Variants in SLCO1B3 observed in about 807,000 individuals in gnomAD.
SLCO1B3 encodes solute carrier organic anion transporter family member 1B3, also known as liver-specific organic anion transporter 2.
A neutral mutation model predicts 71.8 loss-of-function variants in SLCO1B3; 72 were observed. The ratio of observed to expected loss-of-function variants is 1.00; its 90% CI spans 0.83 to 1.22. The LOEUF is 1.22. Ranked by LOEUF, SLCO1B3 falls within the 50% of genes most tolerant of loss-of-function variation. The pLI, the probability that SLCO1B3 is intolerant of heterozygous loss-of-function variation, is 0.00. For synonymous variants in SLCO1B3, 298 were observed against 278.4 expected, an observed-to-expected ratio of 1.07 and a Z score of -0.70; for missense variants, 911 against 819.7, an observed-to-expected ratio of 1.11 and a Z score of -1.36.
intron 1 of SLCO1B3, among the ~76,000 whole-genome samples, 187 bp from the exon 2 acceptor site, chr12:20,813,337 A>G (rs1277409752): frequency 6.6e-6 from 1 of 152,218 alleles, no homozygotes; most frequent in Non-Finnish European, 1.5e-5. Context: ...AAACACTAAA[A>G]TTTGTTTGTG....
intron 15 of SLCO1B3, among the ~76,000 whole-genome samples, chr12:20,913,096 A>G (rs1489375947): frequency 6.6e-6 from 1 of 152,138 alleles, no homozygotes; most frequent in African/African-American, 2.4e-5. Flanking sequence ...TACATCTGTT[A>G]TACTGTTGGT....
chr12:20,837,142 G>T (rs906798156), intron 3 of SLCO1B3, among the ~76,000 whole-genome samples: 1 of 151,854 alleles, frequency 6.6e-6, no homozygotes, highest in Admixed American at 6.6e-5. Context: ...AATGTCTGTG[G>T]GATTTGTAGT....
Position 20,862,373 on chromosome 12 carries a change from A to C in SLCO1B3, c.482-39A>C, listed in dbSNP as rs777735258. Reference sequence around the variant, plus strand: ...GTTAAATTTCTAATAGGAATGTTAAAATTAATGTTTAAAGTAAAACACTCT... The same window carrying C: ...GTTAAATTTCTAATAGGAATGTTAACATTAATGTTTAAAGTAAAACACTCT... On this transcript the variant is annotated intron_variant, in intron 6 of 15. Transcript: ENST00000381545. The C allele has an allele frequency of 1.2e-4, 183 of 1,553,714 alleles. 1 individual carries two copies. Among genetic ancestry groups the C allele is most frequent in the Middle Eastern group, 2.2e-4 (1 of 4,626 alleles).
At position 20,821,965 on chromosome 12, in the gene SLCO1B3, T is replaced by C. The variant is rs532126493; in HGVS notation, c.84+6143T>C. On this transcript the variant is annotated intron_variant, in intron 3 of 15. Transcript: ENST00000381545. ...AGAAGGGAGAGATTGAAGTGTGGTG[T>C]CAAGATTGAAAGGAGAAAGAGGTTG... is the stretch of plus-strand genomic sequence containing the variant. Among the ~76,000 whole-genome samples, 162 of 150,626 alleles carry C rather than the reference T, an allele frequency of 1.1e-3. 4 individuals carry two copies. In the South Asian group the frequency reaches 0.033, roughly 30 times the overall value.
chr12:20,900,901 TG>T (rs1287410003), intron 14 of SLCO1B3, among the ~76,000 whole-genome samples: 1 of 152,218 alleles, frequency 6.6e-6, no homozygotes, highest in Non-Finnish European at 1.5e-5. Context: ...TAAAATCTCC[TG>T]CCTTTACAGC....
chr12:20,880,820 T>G, intron 11 of SLCO1B3, 35 bp from the exon 12 acceptor site: 2 of 1,461,378 alleles, frequency 1.4e-6, no homozygotes, highest in Non-Finnish European at 9.4e-7. Flanking sequence ...TTCCTCTTTC[T>G]CTTTTTTTGA....
At chr12:20,830,689 C>T (rs964289299) in intron 3 of SLCO1B3, among the ~76,000 whole-genome samples, 1 of 152,152 alleles carries the variant, frequency 6.6e-6, no homozygotes, top group African/African-American at 2.4e-5. Flanking sequence ...ACAGAATTCA[C>T]TTGCAATAAT....
At chr12:20,815,581 G>T (rs151186495) in intron 2 of SLCO1B3, 93 bp from the exon 3 acceptor site, 190 of 543,644 alleles carry the variant, frequency 3.5e-4, no homozygotes, top group African/African-American at 3.4e-3. Context: ...ATTAGAGAAT[G>T]ATTGATTGAT....
intron 14 of SLCO1B3, among the ~76,000 whole-genome samples, chr12:20,899,005 A>G (rs1866075264): frequency 6.6e-6 from 1 of 152,166 alleles, no homozygotes; most frequent in Admixed American, 6.6e-5. Context: ...CATTAGCAGG[A>G]GTTAATGCAA....
Position 20,894,315 on chromosome 12 carries a change from C to T in SLCO1B3, c.1683-4121C>T, listed in dbSNP as rs1301409041. 3.9e-5 allele frequency among the ~76,000 whole-genome samples: 6 copies of T among 152,102 alleles called. No homozygotes were observed. The East Asian group carries it at 9.6e-4, about 24-fold the overall frequency. On this transcript the variant is annotated intron_variant, in intron 13 of 15. Transcript: ENST00000381545. ...TAACCATGCACGAGCGTGTGCACAT[C>T]AGTGAGGATGTGAGTATGAGCAGGC...
At chr12:20,850,261 TTTA>T (rs1462292886) in intron 3 of SLCO1B3, among the ~76,000 whole-genome samples, 3 of 119,620 alleles carry the variant, frequency 2.5e-5, no homozygotes, top group Non-Finnish European at 4.9e-5. Context: ...TATTATTTTA[TTTA>T]TTTATTTATT....
intron 9 of SLCO1B3, among the ~76,000 whole-genome samples, chr12:20,875,842 T>C (rs748971284): frequency 4.6e-5 from 7 of 152,036 alleles, no homozygotes; most frequent in Non-Finnish European, 1.0e-4. Context: ...CCAGCCATCA[T>C]ACTATTCTCT....
chr12:20,815,864 GA>G (rs1565575114), intron 3 of SLCO1B3, 42 bp downstream of exon 3: 1 of 1,347,458 alleles, frequency 7.4e-7, no homozygotes. Flanking sequence ...TAAGTTAATG[GA>G]AAATTTTTAT....
In SLCO1B3 at chr12:20,862,402, G is replaced by T. The variant is rs759795528; in HGVS notation, c.482-10G>T. On this transcript the variant is annotated splice_polypyrimidine_tract_variant and intron_variant, in intron 6 of 15. Transcript: ENST00000381545. ...AATGTTTAAAGTAAAACACTCTCTT[G>T]TCTCGATAGATTGTGTAAAGGAATC... The T allele has an allele frequency of 1.4e-5, 22 of 1,603,494 alleles. No individual in the cohort carries two copies. The highest frequency in any genetic ancestry group is 1.7e-5 in the Non-Finnish European group (20 of 1,176,366).
intron 3 of SLCO1B3, among the ~76,000 whole-genome samples, chr12:20,851,722 C>T (rs538016806): frequency 6.6e-6 from 1 of 152,150 alleles, no homozygotes; most frequent in Non-Finnish European, 1.5e-5. Flanking sequence ...GTGTCATACT[C>T]AAGAAATTAT....
intron 3 of SLCO1B3, among the ~76,000 whole-genome samples, chr12:20,841,884 GTTT>G (rs57925057): frequency 0.54 from 70,683 of 131,916 alleles, 19,567 homozygotes; most frequent in South Asian, 0.74. Flanking sequence ...GTTGGATGTA[GTTT>G]TTTTTTTTTT....
Position 20,836,635 on chromosome 12 carries a change from G to A in SLCO1B3, c.85-18393G>A, listed in dbSNP as rs367576984. On this transcript the variant is annotated intron_variant, in intron 3 of 15. Coordinates refer to ENST00000381545, the MANE Select transcript of SLCO1B3 (RefSeq NM_019844.4). ...AAACTATCTGGGCCTCATTCTTTCTGTTTTTTGTTTTGTTTTGTTTTTTTG... is the reference window on the plus strand; with the variant it reads ...AAACTATCTGGGCCTCATTCTTTCTATTTTTTGTTTTGTTTTGTTTTTTTG... Among the ~76,000 whole-genome samples, 54 of 151,958 alleles carry A rather than the reference G, an allele frequency of 3.6e-4. 1 individual carries two copies. The South Asian group carries it at 0.011, about 30-fold the overall frequency.
chr12:20,914,994 G>GC (rs1303404798), intron 15 of SLCO1B3, among the ~76,000 whole-genome samples: 3 of 151,634 alleles, frequency 2.0e-5, no homozygotes, highest in African/African-American at 7.3e-5. Context: ...AGTTTTTCTG[G>GC]CCTTTATCCT....
At position 20,913,662 on chromosome 12, in the gene SLCO1B3, C is replaced by T. The variant is rs189743743; in HGVS notation, c.1866-2342C>T. ...GTTATCAGTGTATATCTTCCTCAGTCTAATTACTTTTATTCTGTATGTCTT... is the reference window on the plus strand; with the variant it reads ...GTTATCAGTGTATATCTTCCTCAGTTTAATTACTTTTATTCTGTATGTCTT... On this transcript the variant is annotated intron_variant, in intron 15 of 15. Coordinates refer to ENST00000381545, the MANE Select transcript of SLCO1B3 (RefSeq NM_019844.4). Among the ~76,000 whole-genome samples, 485 of 152,284 alleles carry T rather than the reference C, an allele frequency of 3.2e-3. 3 individuals carry two copies. The highest frequency in any genetic ancestry group is 4.5e-3 in the Non-Finnish European group (305 of 68,020).
Sources: gnomAD v4.1 joint callset for allele counts (sites outside exome capture counted in the v4.1 genomes callset) on GRCh38, gnomAD v4.1.1 for gene constraint, MANE v1.5 for transcripts, NCBI Gene and HGNC (gene_info 2026-07-23, HGNC 2026-07-21) for gene names.